CHD9: variants seen among roughly 807,000 people sequenced by gnomAD.
CHD9 encodes ATP-dependent chromatin remodeler CHD9.
In CHD9, 77 loss-of-function variants were observed where a neutral mutation model predicts 316.1. That is an observed-to-expected ratio of 0.24 (90% CI 0.20 to 0.29). The LOEUF is 0.29. Ranked by LOEUF, CHD9 falls within the 10% of genes least tolerant of loss-of-function variation. The pLI is 1.00. For synonymous variants in CHD9, 1,129 were observed against 1,158.3 expected (o/e 0.97, Z 0.51); for missense variants, 2,763 against 3,438.1 (o/e 0.80, Z 4.91).
At chr16:53,178,427 C>CTTTTTTTTT (rs10569589) in intron 2 of CHD9, among the ~76,000 whole-genome samples, 2 of 98,960 alleles carry the variant, frequency 2.0e-5, no homozygotes, top group Non-Finnish European at 4.1e-5. Context: ...TTGTTGGTTT[C>CTTTTTTTTT]TTTTTTTTTT....
chr16:53,102,694 T>TA (rs71143965), intron 1 of CHD9, among the ~76,000 whole-genome samples: 34,763 of 151,772 alleles, frequency 0.23, 4,334 homozygotes, highest in South Asian at 0.32. Context: ...TGCAAAAAAA[T>TA]AAAAAATTAG....
intron 30 of CHD9, among the ~76,000 whole-genome samples, chr16:53,302,063 C>G (rs999367174): frequency 6.6e-6 from 1 of 152,054 alleles, no homozygotes; most frequent in Non-Finnish European, 1.5e-5. Flanking sequence ...GCGCCTGGCC[C>G]TTCCTCTCTT....
At chr16:53,253,275 G>C (rs1025600273) in intron 17 of CHD9, among the ~76,000 whole-genome samples, 4 of 151,904 alleles carry the variant, frequency 2.6e-5, no homozygotes, top group African/African-American at 9.7e-5. Flanking sequence ...AAAAAACAAT[G>C]AATTAACAGC....
In CHD9 at chr16:53,157,219, A is replaced by G. The variant is rs1217628809; in HGVS notation, c.1130A>G (p.His377Arg). ...SGTQMGHFNDHVETNGFSSLE... is the reference protein window; with the variant it reads ...SGTQMGHFNDRVETNGFSSLE... ...ACTCAAATGGGCCATTTCAATGATCATGTAGAAACTAATGGCTTTTCATCT... is the reference window on the plus strand; with the variant it reads ...ACTCAAATGGGCCATTTCAATGATCGTGTAGAAACTAATGGCTTTTCATCT... The change falls in exon 2 of 39, where the codon CAT becomes CGT. Residue 377 changes from histidine to arginine, a missense_variant. His to Arg is a conservative substitution (Grantham distance 29). Around this residue, in one of 15 missense-constraint regions of CHD9, gnomAD observed 859 missense variants for 890.4 expected, o/e 0.96. Transcript: ENST00000447540. 1.9e-6 allele frequency: 3 copies of G among 1,603,026 alleles called. No individual in the cohort carries two copies. The highest frequency in any genetic ancestry group is 8.5e-7 in the Non-Finnish European group (1 of 1,173,960).
intron 1 of CHD9, among the ~76,000 whole-genome samples, chr16:53,080,915 A>G (rs968839276): frequency 1.3e-5 from 2 of 152,182 alleles, no homozygotes; most frequent in East Asian, 3.9e-4. Flanking sequence ...GCCTCTCCCA[A>G]GCATCTTTCA....
At position 53,267,473 on chromosome 16, in the gene CHD9, A is replaced by G. The variant is rs1162277220; in HGVS notation, c.4500A>G (p.Lys1500=). The change falls in exon 21 of 39, where the codon AAA becomes AAG. Residue 1500 remains lysine (K), a synonymous_variant. Transcript: ENST00000447540. ...GAACTGAATGCTTTAGAGTTGAGAA[A>G]AACCTGCTAGTTTATGGGTAAAACA... ...YGRTECFRVE[K]NLLVYGWGRW... 8 of 1,593,782 alleles carry G rather than the reference A, an allele frequency of 5.0e-6. No homozygotes were observed. The highest frequency in any genetic ancestry group is 6.8e-6 in the Non-Finnish European group (8 of 1,170,832).
Position 53,261,168 on chromosome 16 carries a change from T to C in CHD9, c.4210-1819T>C, listed in dbSNP as rs920018731. Reference sequence around the variant, plus strand: ...TCCTGTCATTTCTGTTTAATAAATATGCGCAAAATGTACATTTTGAAACAC... The same window carrying C: ...TCCTGTCATTTCTGTTTAATAAATACGCGCAAAATGTACATTTTGAAACAC... On this transcript the variant is annotated intron_variant, in intron 19 of 38. Coordinates refer to ENST00000447540, the MANE Select transcript of CHD9 (RefSeq NM_001308319.2). Among the ~76,000 whole-genome samples the C allele has an allele frequency of 3.3e-5, 5 of 151,596 alleles. No homozygotes were observed. The East Asian group carries it at 9.7e-4, about 29-fold the overall frequency.
In CHD9 at chr16:53,291,713, T is replaced by C; in HGVS notation, c.5248-12T>C. The C allele has an allele frequency of 6.4e-7, 1 of 1,551,220 alleles. No homozygotes were observed. The highest frequency in any genetic ancestry group is 8.7e-7 in the Non-Finnish European group (1 of 1,155,892). On this transcript the variant is annotated splice_polypyrimidine_tract_variant and intron_variant, in intron 27 of 38. Coordinates refer to ENST00000447540, the MANE Select transcript of CHD9 (RefSeq NM_001308319.2). ...AATTACCCTGTGACAAGTTTCTATT[T>C]TCTTTTAAAAGGATGATGTTTCCTC...
At position 53,288,002 on chromosome 16, in the gene CHD9, AGAT is replaced by A; in HGVS notation, c.5239_5241del (p.Asp1747del). The stretch of plus-strand genomic sequence containing the variant: ...ACAAACCTGCCCCAGCCATCTTTAA[AGAT>A]GATATAGAGGTATGCATTGGATCAT... On this transcript the variant is annotated inframe_deletion, in exon 27 of 39. Transcript: ENST00000447540. 1.9e-6 allele frequency: 3 copies of A among 1,608,982 alleles called. No individual in the cohort carries two copies. The highest frequency in any genetic ancestry group is 2.6e-6 in the Non-Finnish European group (3 of 1,175,258).
chr16:53,136,129 G>A (rs1203358653), intron 1 of CHD9, among the ~76,000 whole-genome samples: 2 of 152,104 alleles, frequency 1.3e-5, no homozygotes, highest in Non-Finnish European at 1.5e-5. Flanking sequence ...TTCTAAAATA[G>A]CTGTCAGATA....
intron 3 of CHD9, 33 bp downstream of exon 3, chr16:53,209,846 T>C (rs936978116): frequency 2.9e-6 from 4 of 1,388,594 alleles, no homozygotes; most frequent in African/African-American, 1.5e-5. Flanking sequence ...TTAATTCCTT[T>C]CAATGTTCTG....
intron 1 of CHD9, among the ~76,000 whole-genome samples, chr16:53,064,176 TC>T (rs1359561934): frequency 2.0e-5 from 3 of 152,108 alleles, no homozygotes; most frequent in Non-Finnish European, 2.9e-5. Context: ...ATCAATCTAT[TC>T]CCTTTTCATC....
chr16:53,077,823 T>C (rs1031860280), intron 1 of CHD9, among the ~76,000 whole-genome samples: 1 of 152,134 alleles, frequency 6.6e-6, no homozygotes, highest in Non-Finnish European at 1.5e-5. Context: ...CCTGTAATTC[T>C]AACACTTTGG....
At chr16:53,130,828 G>C (rs911714766) in intron 1 of CHD9, 6 of 151,854 alleles carry the variant, frequency 4.0e-5, no homozygotes, top group Non-Finnish European at 7.4e-5. Flanking sequence ...AGCGGCGGCG[G>C]TCACGACCGC....
chr16:53,318,769 A>G (rs1479028036), intron 37 of CHD9, among the ~76,000 whole-genome samples: 2 of 152,194 alleles, frequency 1.3e-5, no homozygotes, highest in East Asian at 3.9e-4. Flanking sequence ...TACATAGAAC[A>G]ACCCCCTACA....
At position 53,257,232 on chromosome 16, in the gene CHD9, A is replaced by G. The variant is rs1356494677; in HGVS notation, c.4209+1453A>G. On this transcript the variant is annotated intron_variant, in intron 19 of 38. Transcript: ENST00000447540. ...AGGCATGTATGGATACAGGAGATGA[A>G]TTACATGGAGATGAAACGGTGAAGG... Among the ~76,000 whole-genome samples the G allele has an allele frequency of 2.6e-5, 4 of 152,336 alleles. No homozygotes were observed. The East Asian group carries it at 7.7e-4, about 29-fold the overall frequency.
rs1297494353 is a variant in CHD9, at chr16:53,287,818, GTCTTGGGCTCTTCTGGCTAGAGA to G, written c.5190-138_5190-116del. 7.7e-4 allele frequency: 513 copies of G among 666,360 alleles called. 2 individuals carry two copies. The African/African-American group carries it at 8.9e-3, about 12-fold the overall frequency. The allele number at this position is 666,360 out of a possible 1,614,324, so 41.3% of individuals were successfully genotyped here. On this transcript the variant is annotated intron_variant, in intron 26 of 38. Transcript: ENST00000447540. ...TGCTTTATAACAGCCTTCCTGCTGT[GTCTTGGGCTCTTCTGGCTAGAGA>G]AGAGACGTCAGTCTGACTTTTAAAA...
chr16:53,123,886 T>A (rs1413956047), intron 1 of CHD9, among the ~76,000 whole-genome samples: 1 of 152,206 alleles, frequency 6.6e-6, no homozygotes, highest in African/African-American at 2.4e-5. Flanking sequence ...CTTTTATCAC[T>A]TAGCATTATG....
At chr16:53,323,936 T>G in intron 38 of CHD9, 84 bp from the exon 39 acceptor site, 3 of 1,156,278 alleles carry the variant, frequency 2.6e-6, no homozygotes, top group Non-Finnish European at 2.5e-6. Flanking sequence ...ATTACCTATT[T>G]TTCATGGTTA....
Sources: allele counts gnomAD v4.1 joint callset (sites outside exome capture counted in the v4.1 genomes callset), GRCh38; gene constraint gnomAD v4.1.1; regional missense constraint gnomAD v4.1.1; transcripts MANE v1.5; gene names NCBI Gene and HGNC (gene_info 2026-07-23, HGNC 2026-07-21).